Variants in ANKS1B observed in about 807,000 individuals in gnomAD.
ANKS1B encodes ankyrin repeat and sterile alpha motif domain containing 1B.
A neutral mutation model predicts 148.3 loss-of-function variants in ANKS1B; 36 were observed. That is an observed-to-expected ratio of 0.24 (90% confidence interval 0.19 to 0.32). The LOEUF (loss-of-function observed/expected upper bound fraction) is 0.32, where lower values mean the gene tolerates loss of function less well. Among genes scored for constraint, ANKS1B ranks in the 10% least tolerant of loss-of-function variants. ANKS1B has a pLI of 1.00. For missense variants in ANKS1B, 1,157 were observed against 1,542.6 expected (o/e 0.75, Z 4.19); for synonymous variants, 542 against 560.8 (o/e 0.97, Z 0.47).
intron 12 of ANKS1B, among the ~76,000 whole-genome samples, chr12:99,274,597 C>T (rs2077454668): frequency 6.6e-6 from 1 of 152,118 alleles, no homozygotes; most frequent in Non-Finnish European, 1.5e-5. Flanking sequence ...TAGTCTTTCC[C>T]CAACATTCTT....
chr12:99,947,606 T>C (rs2095101587), intron 1 of ANKS1B, among the ~76,000 whole-genome samples: 1 of 152,178 alleles, frequency 6.6e-6, no homozygotes, highest in African/African-American at 2.4e-5. Context: ...AGTTTTCTGT[T>C]GCCACAAAAC....
chr12:98,908,125 G>A (rs946834198), intron 17 of ANKS1B, among the ~76,000 whole-genome samples: 2 of 152,182 alleles, frequency 1.3e-5, no homozygotes, highest in Non-Finnish European at 2.9e-5. Flanking sequence ...CTGGCCTAGG[G>A]ATTGTAATCT....
chr12:99,657,658 T>C (rs1333530645), intron 8 of ANKS1B, among the ~76,000 whole-genome samples: 1 of 141,942 alleles, frequency 7.0e-6, no homozygotes, highest in Non-Finnish European at 1.5e-5. Context: ...TATATATATA[T>C]ATGATAAAGT....
At chr12:99,189,265 C>T (rs1027443950) in intron 14 of ANKS1B, among the ~76,000 whole-genome samples, 1 of 152,120 alleles carries the variant, frequency 6.6e-6, no homozygotes, top group South Asian at 2.1e-4. Context: ...ACCAGTGGTG[C>T]AAAGAGGAGC....
chr12:99,645,021 A>C (rs2098346561), intron 9 of ANKS1B, among the ~76,000 whole-genome samples: 1 of 152,160 alleles, frequency 6.6e-6, no homozygotes, highest in Non-Finnish European at 1.5e-5. Context: ...CCCAATTCAG[A>C]TCCTAAACTG....
At position 99,984,265 on chromosome 12, in the gene ANKS1B, C is replaced by T. The variant is rs2095750621; in HGVS notation, c.-28G>A. The T allele has an allele frequency of 6.3e-7, 1 of 1,598,910 alleles. No homozygotes were observed. Among genetic ancestry groups the T allele is most frequent in the Admixed American group, 1.7e-5 (1 of 59,214 alleles). The stretch of plus-strand genomic sequence containing the variant: ...TCTCTCACCGACTCCCCCACAGAGT[C>T]CTTGCCCCCCTCGGGTCCTCCTCCC... On this transcript the variant is annotated 5_prime_UTR_variant, in exon 1 of 27. Coordinates refer to ENST00000683438, the MANE Select transcript of ANKS1B (RefSeq NM_001352186.2).
intron 12 of ANKS1B, among the ~76,000 whole-genome samples, chr12:99,320,340 A>G (rs10160904): frequency 0.085 from 13,003 of 152,224 alleles, 1,346 homozygotes; most frequent in African/African-American, 0.25. Context: ...AATCAGATGT[A>G]GATTTGGTCT....
At chr12:98,899,618 C>G (rs1218937591) in intron 17 of ANKS1B, among the ~76,000 whole-genome samples, 1 of 152,166 alleles carries the variant, frequency 6.6e-6, no homozygotes, top group Non-Finnish European at 1.5e-5. Flanking sequence ...TTTCACCTGC[C>G]CTTCCTAATG....
intron 10 of ANKS1B, among the ~76,000 whole-genome samples, chr12:99,454,029 C>T (rs907817126): frequency 6.6e-6 from 1 of 152,094 alleles, no homozygotes; most frequent in Middle Eastern, 3.2e-3. Flanking sequence ...GAGAAGCATT[C>T]CAGGCAAAGA....
Position 99,645,954 on chromosome 12 carries a change from C to T in ANKS1B, c.1272+9113G>A, listed in dbSNP as rs2098358221. ...TTTCTGGCTTCCTTGGAGACCAGCG[C>T]TCTAATGGAACTCTAAGACAAATAT... is the stretch of plus-strand genomic sequence containing the variant. On this transcript the variant is annotated intron_variant, in intron 9 of 26. Transcript: ENST00000683438. Among the ~76,000 whole-genome samples the T allele has an allele frequency of 3.3e-5, 5 of 150,804 alleles. No individual in the cohort carries two copies. The South Asian group carries it at 1.0e-3, about 32-fold the overall frequency.
chr12:99,213,457 A>C (rs1240172721), intron 14 of ANKS1B, among the ~76,000 whole-genome samples: 1 of 152,202 alleles, frequency 6.6e-6, no homozygotes, highest in Non-Finnish European at 1.5e-5. Flanking sequence ...GAAGAGTAGA[A>C]ACCTTACTGT....
At chr12:99,916,385 G>A (rs138764176) in intron 1 of ANKS1B, among the ~76,000 whole-genome samples, 1 of 152,258 alleles carries the variant, frequency 6.6e-6, no homozygotes, top group Non-Finnish European at 1.5e-5. Context: ...TAGCTTTGTG[G>A]TCTCCCAGTT....
chr12:99,185,908 G>A (rs1195608512), intron 14 of ANKS1B, among the ~76,000 whole-genome samples: 2 of 152,116 alleles, frequency 1.3e-5, no homozygotes, highest in Non-Finnish European at 2.9e-5. Context: ...CACTCCCCTG[G>A]AAAGGGGGCT....
chr12:99,011,028 C>T (rs1176168241), intron 17 of ANKS1B, among the ~76,000 whole-genome samples: 2 of 151,514 alleles, frequency 1.3e-5, no homozygotes, highest in Non-Finnish European at 2.9e-5. Context: ...CAGGCTCCAG[C>T]ATCAAATGTT....
At chr12:99,676,160 T>G (rs1204592729) in intron 8 of ANKS1B, among the ~76,000 whole-genome samples, 3 of 152,090 alleles carry the variant, frequency 2.0e-5, no homozygotes, top group Non-Finnish European at 4.4e-5. Context: ...GAAGGACATG[T>G]TTGCTTCCCC....
intron 11 of ANKS1B, among the ~76,000 whole-genome samples, chr12:99,402,961 C>T (rs756518109): frequency 6.9e-6 from 1 of 144,864 alleles, no homozygotes; most frequent in Non-Finnish European, 1.5e-5. Flanking sequence ...GGCTTTTTCT[C>T]CACAACCTTC....
intron 9 of ANKS1B, among the ~76,000 whole-genome samples, chr12:99,578,655 T>G (rs2097541144): frequency 6.6e-6 from 1 of 151,850 alleles, no homozygotes; most frequent in Non-Finnish European, 1.5e-5. Flanking sequence ...AGGTGAAAGA[T>G]CACTACAATT....
At chr12:99,756,207 C>A (rs1254651617) in intron 8 of ANKS1B, among the ~76,000 whole-genome samples, 1 of 152,014 alleles carries the variant, frequency 6.6e-6, no homozygotes, top group Non-Finnish European at 1.5e-5. Context: ...TAGTCTTAGC[C>A]CAAAAGCTTC....
intron 10 of ANKS1B, among the ~76,000 whole-genome samples, chr12:99,498,258 G>A (rs999947372): frequency 2.0e-5 from 3 of 152,126 alleles, no homozygotes; most frequent in Non-Finnish European, 4.4e-5. Flanking sequence ...ACAGAAACCT[G>A]ATCATGCCAT....
Sources: gnomAD v4.1 joint callset for allele counts (sites outside exome capture counted in the v4.1 genomes callset) on GRCh38, gnomAD v4.1.1 for gene constraint, MANE v1.5 for transcripts, NCBI Gene and HGNC (gene_info 2026-07-23, HGNC 2026-07-21) for gene names.